Variants in ADGRG2 observed in about 807,000 individuals in gnomAD.
The protein encoded by ADGRG2 is G protein-coupled receptor 64.
In ADGRG2, 26 loss-of-function variants were observed where a neutral mutation model predicts 74.1. The observed-to-expected ratio is 0.35, with a 90% CI of 0.26 to 0.49. ADGRG2 has a LOEUF of 0.49. Ranked by LOEUF, ADGRG2 falls within the 20% of genes least tolerant of loss-of-function variation. ADGRG2 has a pLI of 0.99. For synonymous variants in ADGRG2, 296 were observed against 295.2 expected, an observed-to-expected ratio of 1.00 and a Z score of -0.03; for missense variants, 619 against 763.1, an observed-to-expected ratio of 0.81 and a Z score of 2.22.
intron 1 of ADGRG2, among the ~76,000 whole-genome samples, chrX:19,101,219 G>C (rs1186494526): frequency 9.2e-6 from 1 of 108,944 alleles, no homozygotes; most frequent in African/African-American, 3.4e-5. Context: ...ATAAAGCAAA[G>C]GAAGAAAAAT....
At chrX:19,098,104 C>A (rs1209303284) in intron 1 of ADGRG2, among the ~76,000 whole-genome samples, 2 of 112,540 alleles carry the variant, frequency 1.8e-5, no homozygotes, top group African/African-American at 6.4e-5. Context: ...TGCTTTGCCA[C>A]CGTGCCAGAA....
chrX:19,064,523 G>T (rs897000689), intron 3 of ADGRG2, among the ~76,000 whole-genome samples: 3 of 111,825 alleles, frequency 2.7e-5, no homozygotes, highest in Non-Finnish European at 5.6e-5. Flanking sequence ...TCAAAAACCA[G>T]GCCTGAGCCA....
chrX:19,095,040 T>A (rs1019803369), intron 1 of ADGRG2, among the ~76,000 whole-genome samples: 1 of 111,911 alleles, frequency 8.9e-6, no homozygotes, highest in Non-Finnish European at 1.9e-5. Flanking sequence ...CTGAATGGAC[T>A]CCTCTGAAAA....
At chrX:19,102,852 T>C (rs1288457407) in intron 1 of ADGRG2, among the ~76,000 whole-genome samples, 1 of 111,261 alleles carries the variant, frequency 9.0e-6, no homozygotes, top group African/African-American at 3.3e-5. Context: ...AGCATCTTGA[T>C]CTTGGACTTC....
intron 1 of ADGRG2, among the ~76,000 whole-genome samples, chrX:19,089,230 G>A (rs2033823084): frequency 9.0e-6 from 1 of 111,529 alleles, no homozygotes; most frequent in Non-Finnish European, 1.9e-5. Flanking sequence ...AGCAAGAGAA[G>A]TTTCTAGCCC....
Position 19,110,837 on chromosome X carries a change from G to T in ADGRG2, c.-47+11605C>A, listed in dbSNP as rs200361490. 1.0e-3 allele frequency among the ~76,000 whole-genome samples: 114 copies of T among 111,918 alleles called. No individual in the cohort carries two copies. The East Asian group carries it at 0.024, about 23-fold the overall frequency. ...ATCAATAAAGAAGCACAGTCAGCAA[G>T]AGAGATAGAAGAGGGGCAGGGACTA... is the stretch of plus-strand genomic sequence containing the variant. On this transcript the variant is annotated intron_variant, in intron 1 of 28. Coordinates refer to ENST00000379869, the MANE Select transcript of ADGRG2 (RefSeq NM_001079858.3).
intron 26 of ADGRG2, among the ~76,000 whole-genome samples, chrX:18,998,366 G>T (rs2146500698): frequency 9.0e-6 from 1 of 110,518 alleles, no homozygotes; most frequent in South Asian, 3.8e-4. Flanking sequence ...AAGAATAATT[G>T]ACTTTTTCAA....
intron 3 of ADGRG2, among the ~76,000 whole-genome samples, chrX:19,055,285 TGCGCGCGCAC>T (rs907102995): frequency 7.2e-5 from 8 of 111,252 alleles, no homozygotes; most frequent in Admixed American, 1.9e-4. Flanking sequence ...TGTGTGTGTG[TGCGCGCGCAC>T]GCGCGTGCAC....
rs200356354 is a variant in ADGRG2, at chrX:19,033,351, TGTTA to T, written c.304+258_304+261del. On this transcript the variant is annotated intron_variant, in intron 8 of 28. Coordinates refer to ENST00000379869, the MANE Select transcript of ADGRG2 (RefSeq NM_001079858.3). ...TTGCCTTTATCTGCATGCATGTTCA[TGTTA>T]GTTATCTATTTTTTTGCCTTGTCTC... 921 of 255,883 alleles carry T rather than the reference TGTTA, an allele frequency of 3.6e-3. 20 individuals are homozygous for T. The Admixed American group carries it at 0.052, about 14-fold the overall frequency. 21.1% of individuals were successfully genotyped at this position (255,883 alleles called of 1,213,427 possible).
intron 3 of ADGRG2, among the ~76,000 whole-genome samples, chrX:19,060,440 G>A (rs1239993762): frequency 1.8e-5 from 2 of 111,231 alleles, no homozygotes; most frequent in Non-Finnish European, 3.8e-5. Flanking sequence ...AGTGGTTCTC[G>A]GTTCTGCTAG....
At chrX:19,041,491 A>T (rs1297238565) in intron 3 of ADGRG2, among the ~76,000 whole-genome samples, 5 of 112,303 alleles carry the variant, frequency 4.5e-5, no homozygotes, top group African/African-American at 1.6e-4. Flanking sequence ...TACAATTAAT[A>T]GGAAAGAATA....
chrX:19,013,723 C>T lies in ADGRG2; in HGVS notation c.1062G>A (p.Ala354=), dbSNP rs1233436611. The change falls in exon 16 of 29, where the codon GCG becomes GCA. Residue 354 remains alanine (A), a synonymous_variant. Transcript: ENST00000379869. ...GAGGTGCGCTGGTAGTGTTGACATT[C>T]GCAGGGGCAGACACGGTGGGAGAGG... ...SFSSPTVSAP[A]NVNTTSAPPV... 14 of 1,198,362 alleles carry T rather than the reference C, an allele frequency of 1.2e-5. No homozygotes were observed. The highest frequency in any genetic ancestry group is 1.6e-5 in the Non-Finnish European group (14 of 890,113).
chrX:19,046,062 T>A (rs1048221367), intron 3 of ADGRG2, among the ~76,000 whole-genome samples: 5 of 110,407 alleles, frequency 4.5e-5, no homozygotes, highest in African/African-American at 9.9e-5. Context: ...TTTTAAAAAA[T>A]TTTTTCAGAA....
chrX:19,074,397 G>GATCCT (rs1327493387), intron 2 of ADGRG2, among the ~76,000 whole-genome samples: 29 of 106,516 alleles, frequency 2.7e-4, no homozygotes, highest in Admixed American at 6.1e-4. Flanking sequence ...GTACCACCAT[G>GATCCT]CCTGGCTAAT....
intron 2 of ADGRG2, among the ~76,000 whole-genome samples, chrX:19,069,159 T>C (rs1374969232): frequency 8.9e-6 from 1 of 112,131 alleles, no homozygotes; most frequent in East Asian, 2.8e-4. Context: ...TTACACAGAA[T>C]CTTTTCAATA....
At chrX:19,099,768 C>G (rs1407762567) in intron 1 of ADGRG2, among the ~76,000 whole-genome samples, 2 of 112,103 alleles carry the variant, frequency 1.8e-5, no homozygotes, top group Non-Finnish European at 3.8e-5. Flanking sequence ...GGCACAGTGG[C>G]TGATGCCTGT....
Position 19,077,639 on chromosome X carries a change from G to A in ADGRG2, c.-2+5063C>T, listed in dbSNP as rs753711188. Among the ~76,000 whole-genome samples, 32 of 110,919 alleles carry A rather than the reference G, an allele frequency of 2.9e-4. No individual in the cohort carries two copies. In the Admixed American group the frequency reaches 2.9e-3, roughly 10 times the overall value. ...ACTCCAATTATATGCTATTTACAAG[G>A]ACACAAATAGAACCTAATGATTCAG... On this transcript the variant is annotated intron_variant, in intron 2 of 28. Coordinates refer to ENST00000379869, the MANE Select transcript of ADGRG2 (RefSeq NM_001079858.3).
chrX:19,004,561 CT>C (rs751304776), intron 23 of ADGRG2, among the ~76,000 whole-genome samples, 196 bp downstream of exon 23: 1 of 112,088 alleles, frequency 8.9e-6, no homozygotes, highest in East Asian at 2.8e-4. Flanking sequence ...GACACAACCC[CT>C]GCCTTCAGGG....
chrX:19,077,634 A>G (rs2061774532), intron 2 of ADGRG2, among the ~76,000 whole-genome samples: 1 of 111,698 alleles, frequency 9.0e-6, no homozygotes, highest in Non-Finnish European at 1.9e-5. Context: ...TATGCTATTT[A>G]CAAGGACACA....
Sources: gnomAD v4.1 joint callset for allele counts (sites outside exome capture counted in the v4.1 genomes callset) on GRCh38, gnomAD v4.1.1 for gene constraint, MANE v1.5 for transcripts, NCBI Gene and HGNC (gene_info 2026-07-23, HGNC 2026-07-21) for gene names.